The following GRIA3 variants were observed in gnomAD, a reference collection of about 807,000 sequenced individuals.
GRIA3 encodes the protein glutamate receptor 3.
A neutral mutation model predicts 63.0 loss-of-function variants in GRIA3; 3 were observed. The observed-to-expected ratio is 0.05, with a 90% CI of 0.02 to 0.12. GRIA3 has a LOEUF of 0.12. Among genes scored for constraint, GRIA3 ranks in the 10% least tolerant of loss-of-function variants. The pLI is 1.00. For missense variants in GRIA3, 347 were observed against 700.9 expected (o/e 0.50, Z 5.70); for synonymous variants, 274 against 257.9 (o/e 1.06, Z -0.60).
At chrX:123,299,467 G>A (rs2044706802) in intron 3 of GRIA3, among the ~76,000 whole-genome samples, 1 of 110,871 alleles carries the variant, frequency 9.0e-6, no homozygotes, top group South Asian at 3.8e-4. Flanking sequence ...TGTATTCCTA[G>A]GTATTTTATT....
chrX:123,403,200 GAT>G (rs2045452283), intron 8 of GRIA3, 102 bp downstream of exon 8: 8 of 604,932 alleles, frequency 1.3e-5, no homozygotes, highest in Admixed American at 7.0e-5. Context: ...TATCAGTAAG[GAT>G]GAGTGGGAGA....
At chrX:123,441,331 G>T (rs773807296) in intron 12 of GRIA3, among the ~76,000 whole-genome samples, 2 of 111,528 alleles carry the variant, frequency 1.8e-5, no homozygotes, top group African/African-American at 6.5e-5. Flanking sequence ...GAAGGATTTA[G>T]GAGAGATAAA....
chrX:123,380,202 C>T (rs2147368646), intron 5 of GRIA3, among the ~76,000 whole-genome samples: 1 of 111,371 alleles, frequency 9.0e-6, no homozygotes, highest in East Asian at 2.8e-4. Context: ...AGTTCTAGAT[C>T]CCTGAGGAAT....
chrX:123,243,638 T>G (rs2044342418), intron 2 of GRIA3, among the ~76,000 whole-genome samples: 2 of 112,320 alleles, frequency 1.8e-5, no homozygotes, highest in South Asian at 7.5e-4. Context: ...CTCTTCATAG[T>G]TAGAACGTGA....
rs775749805 is a variant in GRIA3 at position 123,246,649 on chromosome X, G to T, written c.269-6654G>T. Among the ~76,000 whole-genome samples the T allele has an allele frequency of 9.9e-5, 11 of 111,123 alleles. No individual in the cohort carries two copies. The East Asian group carries it at 2.8e-3, about 29-fold the overall frequency. On this transcript the variant is annotated intron_variant, in intron 2 of 15. Coordinates refer to ENST00000620443, the MANE Select transcript of GRIA3 (RefSeq NM_007325.5). ...ATTAGCAGCCTTAATCCCATCTACA[G>T]CCTAATTTCCCTTTACCGTATAACC...
chrX:123,318,064 C>G (rs2044843851), intron 3 of GRIA3, among the ~76,000 whole-genome samples: 1 of 112,830 alleles, frequency 8.9e-6, no homozygotes, highest in Non-Finnish European at 1.9e-5. Context: ...GGGCTTCCAC[C>G]CTCTGAAGCT....
chrX:123,401,395 G>T lies in GRIA3; in HGVS notation c.1081-1599G>T, dbSNP rs141282700. Among the ~76,000 whole-genome samples, 23 of 111,830 alleles carry T rather than the reference G, an allele frequency of 2.1e-4. No individual in the cohort carries two copies. The East Asian group carries it at 6.5e-3, about 31-fold the overall frequency. On this transcript the variant is annotated intron_variant, in intron 7 of 15. Transcript: ENST00000620443. ...TCCTTAATAAGTTCCTATTGCCCTT[G>T]TCTCTGCCCTGTCTAACTCTTCTAT...
intron 2 of GRIA3, among the ~76,000 whole-genome samples, chrX:123,196,293 C>A (rs1298854500): frequency 8.9e-6 from 1 of 111,829 alleles, no homozygotes; most frequent in Non-Finnish European, 1.9e-5. Context: ...TGGTCATTGA[C>A]AATCATTACG....
At chrX:123,270,927 G>C (rs1346045512) in intron 3 of GRIA3, among the ~76,000 whole-genome samples, 1 of 112,157 alleles carries the variant, frequency 8.9e-6, no homozygotes, top group African/African-American at 3.2e-5. Context: ...ACGAAATTTG[G>C]ATTGTCCTAG....
At chrX:123,463,285 C>T (rs142509083) in intron 12 of GRIA3, among the ~76,000 whole-genome samples, 1,643 of 109,313 alleles carry the variant, frequency 0.015, 13 homozygotes, top group African/African-American at 0.03. Context: ...CAGGTGCTCA[C>T]GCCTGTAATC....
chrX:123,215,171 C>A (rs749487656), intron 2 of GRIA3, among the ~76,000 whole-genome samples: 2 of 111,968 alleles, frequency 1.8e-5, no homozygotes, highest in East Asian at 5.6e-4. Flanking sequence ...GATCCAAGAA[C>A]AATGCACAGA....
chrX:123,298,686 A>G (rs774428522), intron 3 of GRIA3, among the ~76,000 whole-genome samples: 1 of 110,745 alleles, frequency 9.0e-6, no homozygotes, highest in East Asian at 2.9e-4. Context: ...TAGGTTGTCT[A>G]TTTATACTGT....
At chrX:123,185,015 T>A (rs1193791890) in intron 1 of GRIA3, 2 of 346,340 alleles carry the variant, frequency 5.8e-6, no homozygotes, top group African/African-American at 5.2e-5. Flanking sequence ...GTGCAGCTCC[T>A]GGAAGTTGTC....
chrX:123,403,743 T>A (rs1737159110), intron 9 of GRIA3, among the ~76,000 whole-genome samples: 1 of 111,590 alleles, frequency 9.0e-6, no homozygotes, highest in African/African-American at 3.3e-5. Flanking sequence ...TTTTAGATTA[T>A]CATTTTCCTC....
intron 3 of GRIA3, among the ~76,000 whole-genome samples, chrX:123,254,642 C>T (rs1027780069): frequency 4.5e-5 from 5 of 112,139 alleles, no homozygotes; most frequent in Non-Finnish European, 7.5e-5. Context: ...CTTCACTTTA[C>T]TCTCATTTTG....
At chrX:123,395,223 G>C in intron 6 of GRIA3, 94 bp downstream of exon 6, 1 of 807,323 alleles carries the variant, frequency 1.2e-6, no homozygotes, top group Non-Finnish European at 1.9e-6. Context: ...ATGATCAAGT[G>C]ATTTTCCTCA....
intron 2 of GRIA3, among the ~76,000 whole-genome samples, chrX:123,245,676 G>A (rs1185458424): frequency 1.3e-4 from 14 of 111,371 alleles, no homozygotes; most frequent in Non-Finnish European, 2.6e-4. Flanking sequence ...CAATCAATTC[G>A]AACAACGTCT....
intron 11 of GRIA3, among the ~76,000 whole-genome samples, chrX:123,418,271 G>A (rs2147393954): frequency 9.0e-6 from 1 of 110,816 alleles, no homozygotes; most frequent in South Asian, 3.9e-4. Context: ...ATCCATTATA[G>A]TATCCCACCC....
chrX:123,208,673 G>C (rs903276768), intron 2 of GRIA3, among the ~76,000 whole-genome samples: 4 of 111,846 alleles, frequency 3.6e-5, no homozygotes, highest in African/African-American at 1.3e-4. Context: ...GGGATATAAA[G>C]GACCTTAAAG....
Sources: gnomAD v4.1 joint callset for allele counts (sites outside exome capture counted in the v4.1 genomes callset) on GRCh38, gnomAD v4.1.1 for gene constraint, MANE v1.5 for transcripts, NCBI Gene and HGNC (gene_info 2026-07-23, HGNC 2026-07-21) for gene names.